The following MAPK8 variants were observed in gnomAD, a reference collection of about 807,000 sequenced individuals.
MAPK8 encodes JUN N-terminal kinase.
MAPK8 carries 13 observed loss-of-function variants against 52.9 expected under a neutral mutation model. That is an observed-to-expected ratio of 0.25 (90% CI 0.16 to 0.39). The LOEUF (loss-of-function observed/expected upper bound fraction) is 0.39. Among genes scored for constraint, MAPK8 ranks in the 10% least tolerant of loss-of-function variants. The pLI is 1.00. For missense variants in MAPK8, 300 were observed against 519.2 expected, an observed-to-expected ratio of 0.58 and a Z score of 4.10; for synonymous variants, 191 against 169.8, an observed-to-expected ratio of 1.12 and a Z score of -0.97.
In MAPK8 at chr10:48,308,636, G is replaced by C. The variant is rs184206046; in HGVS notation, c.-50+1815G>C. Reference sequence around the variant, plus strand: ...ATCCACACACAGGCACTCATAAACTGGTATTTCAGTAGGGGTCTAAAATGA... The same window carrying C: ...ATCCACACACAGGCACTCATAAACTCGTATTTCAGTAGGGGTCTAAAATGA... On this transcript the variant is annotated intron_variant, in intron 1 of 11. Coordinates refer to ENST00000374189, the MANE Select transcript of MAPK8 (RefSeq NM_001323329.2). Among the ~76,000 whole-genome samples, 218 of 152,186 alleles carry C rather than the reference G, an allele frequency of 1.4e-3. 1 individual carries two copies. Among genetic ancestry groups the C allele is most frequent in the African/African-American group, 5.1e-3 (211 of 41,512 alleles).
At chr10:48,307,551 C>T (rs1277602269) in intron 1 of MAPK8, among the ~76,000 whole-genome samples, 1 of 152,172 alleles carries the variant, frequency 6.6e-6, no homozygotes, top group African/African-American at 2.4e-5. Context: ...CATTTGTGTT[C>T]CCGATTCAGA....
chr10:48,338,329 A>T (rs1459466981), intron 1 of MAPK8, among the ~76,000 whole-genome samples: 1 of 152,198 alleles, frequency 6.6e-6, no homozygotes, highest in Non-Finnish European at 1.5e-5. Flanking sequence ...AATTCACCAC[A>T]TAAACAGAAT....
intron 1 of MAPK8, among the ~76,000 whole-genome samples, chr10:48,323,670 A>G (rs1422427440): frequency 6.6e-6 from 1 of 152,218 alleles, no homozygotes; most frequent in East Asian, 1.9e-4. Flanking sequence ...TCAAAATTAC[A>G]AAGTTTTCCA....
chr10:48,396,667 G>A (rs2698768), intron 1 of MAPK8, among the ~76,000 whole-genome samples: 126,248 of 152,200 alleles, frequency 0.83, 52,884 homozygotes, highest in African/African-American at 0.96. Flanking sequence ...AGCCAGCAAG[G>A]GGTGAATAGA....
intron 3 of MAPK8, among the ~76,000 whole-genome samples, chr10:48,405,713 T>C (rs968907027): frequency 6.6e-6 from 1 of 152,248 alleles, no homozygotes; most frequent in African/African-American, 2.4e-5. Flanking sequence ...GGGACACTTT[T>C]AGGCAGTCCT....
At chr10:48,403,148 A>G (rs1485121331) in intron 2 of MAPK8, among the ~76,000 whole-genome samples, 1 of 152,158 alleles carries the variant, frequency 6.6e-6, no homozygotes, top group Non-Finnish European at 1.5e-5. Context: ...GACCTATAAT[A>G]TTATATTTCT....
chr10:48,349,176 G>T (rs1846069311), intron 1 of MAPK8, among the ~76,000 whole-genome samples: 1 of 152,100 alleles, frequency 6.6e-6, no homozygotes, highest in Non-Finnish European at 1.5e-5. Context: ...TACAATAATA[G>T]TGGGCGACTT....
intron 1 of MAPK8, among the ~76,000 whole-genome samples, chr10:48,397,144 A>G (rs2041926515): frequency 6.6e-6 from 1 of 151,870 alleles, no homozygotes. Context: ...GGTAATTTTA[A>G]TTTGTATAAC....
chr10:48,333,578 GT>G (rs1564493389), intron 1 of MAPK8, among the ~76,000 whole-genome samples: 1 of 152,240 alleles, frequency 6.6e-6, no homozygotes, highest in Non-Finnish European at 1.5e-5. Context: ...TGAGGGCCTG[GT>G]TTAGCTCTTT....
intron 6 of MAPK8, 69 bp from the exon 7 acceptor site, chr10:48,424,019 A>G: frequency 8.3e-7 from 1 of 1,203,538 alleles, no homozygotes; most frequent in Non-Finnish European, 1.2e-6. Context: ...TAATGCAGTC[A>G]TATTATGCTT....
intron 1 of MAPK8, among the ~76,000 whole-genome samples, chr10:48,350,768 G>T (rs538455825): frequency 1.3e-5 from 2 of 152,298 alleles, no homozygotes; most frequent in South Asian, 4.1e-4. Context: ...TCTGGCCAGG[G>T]CAATCAGGCA....
At chr10:48,310,740 T>A (rs1841901986) in intron 1 of MAPK8, among the ~76,000 whole-genome samples, 1 of 151,796 alleles carries the variant, frequency 6.6e-6, no homozygotes. Flanking sequence ...TGTGTGTGTG[T>A]GTGTGTGTGT....
At chr10:48,329,163 G>C (rs1843843926) in intron 1 of MAPK8, among the ~76,000 whole-genome samples, 1 of 152,184 alleles carries the variant, frequency 6.6e-6, no homozygotes, top group Admixed American at 6.5e-5. Flanking sequence ...GAGTGGCAGG[G>C]CCAGAGTCTG....
At chr10:48,328,208 GGGATTTCA>G (rs1843722495) in intron 1 of MAPK8, among the ~76,000 whole-genome samples, 1 of 152,024 alleles carries the variant, frequency 6.6e-6, no homozygotes, top group Non-Finnish European at 1.5e-5. Context: ...AGTAGAAATG[GGGATTTCA>G]CCATGTTGGC....
intron 1 of MAPK8, among the ~76,000 whole-genome samples, chr10:48,320,213 T>C (rs984179334): frequency 3.0e-5 from 3 of 100,496 alleles, no homozygotes; most frequent in Non-Finnish European, 5.6e-5. Flanking sequence ...TGCTCGGCCT[T>C]TTTTTTTTTT....
chr10:48,357,970 C>G (rs1847141755), intron 1 of MAPK8, among the ~76,000 whole-genome samples: 1 of 152,150 alleles, frequency 6.6e-6, no homozygotes, highest in Non-Finnish European at 1.5e-5. Context: ...ACCTGGTTTA[C>G]TTCACTTAGC....
intron 1 of MAPK8, among the ~76,000 whole-genome samples, chr10:48,312,803 T>C (rs931242306): frequency 6.6e-6 from 1 of 152,234 alleles, no homozygotes; most frequent in Non-Finnish European, 1.5e-5. Context: ...ATGTTTTAAT[T>C]TGTTTACATT....
chr10:48,425,748 A>T, intron 7 of MAPK8, 140 bp from the exon 8 acceptor site: 1 of 484,830 alleles, frequency 2.1e-6, no homozygotes, highest in Non-Finnish European at 3.6e-6. Flanking sequence ...TGCCTTTTGC[A>T]GGGTGCCTGT....
intron 1 of MAPK8, among the ~76,000 whole-genome samples, chr10:48,314,066 C>G (rs1328869630): frequency 6.6e-6 from 1 of 152,152 alleles, no homozygotes; most frequent in East Asian, 1.9e-4. Flanking sequence ...TTGTCTTACT[C>G]TGTTTGGGCT....
Sources: gnomAD v4.1 joint callset for allele counts (sites outside exome capture counted in the v4.1 genomes callset) on GRCh38, gnomAD v4.1.1 for gene constraint, MANE v1.5 for transcripts, NCBI Gene and HGNC (gene_info 2026-07-23, HGNC 2026-07-21) for gene names.